ADGRA1: variants seen among roughly 807,000 people sequenced by gnomAD.
ADGRA1 encodes G-protein coupled receptor 123.
A neutral mutation model predicts 21.3 loss-of-function variants in ADGRA1; 12 were observed. The ratio of observed to expected loss-of-function variants is 0.56; its 90% CI spans 0.36 to 0.91. The LOEUF (loss-of-function observed/expected upper bound fraction) is 0.91, where lower values mean the gene tolerates loss of function less well. Among genes scored for constraint, ADGRA1 ranks in the 40% least tolerant of loss-of-function variants. The pLI is 0.01. For missense variants in ADGRA1, 790 were observed against 805.6 expected (o/e 0.98, Z 0.23); for synonymous variants, 385 against 368.8 (o/e 1.04, Z -0.50).
At chr10:133,103,145 C>A (rs1937037519) in intron 5 of ADGRA1, among the ~76,000 whole-genome samples, 2 of 152,152 alleles carry the variant, frequency 1.3e-5, no homozygotes, top group Admixed American at 1.3e-4. Flanking sequence ...CTGCCCTCCA[C>A]ATCTGCAGCT....
intron 5 of ADGRA1, among the ~76,000 whole-genome samples, chr10:133,110,712 A>G (rs976939756): frequency 3.3e-5 from 5 of 152,212 alleles, no homozygotes; most frequent in Admixed American, 3.3e-4. Flanking sequence ...TACACAAAAC[A>G]AAAGCCAGTG....
intron 2 of ADGRA1, among the ~76,000 whole-genome samples, chr10:133,091,106 C>T (rs553072703): frequency 1.3e-5 from 2 of 152,214 alleles, no homozygotes; most frequent in Non-Finnish European, 2.9e-5. Context: ...CAGCAGGCTC[C>T]GAAATGAAAT....
At chr10:133,101,402 G>C (rs1410398049) in intron 4 of ADGRA1, among the ~76,000 whole-genome samples, 1 of 152,206 alleles carries the variant, frequency 6.6e-6, no homozygotes, top group Non-Finnish European at 1.5e-5. Flanking sequence ...GCTGGCCCTG[G>C]GTCCGGCGGG....
chr10:133,088,033 C>A lies in ADGRA1; in HGVS notation c.-308C>A, dbSNP rs1161702056. ...TGTTGATAACTCGGTCCCAGCTCGG[C>A]CGCTGCCCTCGCGAATGGAGAGCGG... On this transcript the variant is annotated 5_prime_UTR_variant, in exon 1 of 7. Transcript: ENST00000392607. The A allele has an allele frequency of 4.1e-6, 4 of 985,030 alleles. No homozygotes were observed. The highest frequency in any genetic ancestry group is 3.6e-6 in the Non-Finnish European group (3 of 829,838). 61.0% of individuals were successfully genotyped at this position (985,030 alleles called of 1,614,324 possible).
chr10:133,125,333 G>T (rs1293362453), intron 5 of ADGRA1, among the ~76,000 whole-genome samples: 1 of 152,196 alleles, frequency 6.6e-6, no homozygotes, highest in African/African-American at 2.4e-5. Context: ...CACTTTAAGT[G>T]ATTGTTTTGC....
rs541350132 is a variant in ADGRA1 at position 133,108,833 on chromosome 10, G to A, written c.401+5991G>A. 3.4e-3 allele frequency among the ~76,000 whole-genome samples: 255 copies of A among 74,198 alleles called. 2 individuals carry two copies. The highest frequency in any genetic ancestry group is 0.011 in the African/African-American group (212 of 20,022). The allele number at this position is 74,198 out of a possible 152,430, so 48.7% of individuals were successfully genotyped here. On this transcript the variant is annotated intron_variant, in intron 5 of 6. Coordinates refer to ENST00000392607, the MANE Select transcript of ADGRA1 (RefSeq NM_001083909.3). ...ATCCTCCATGGTCCCAGCTCCACTC[G>A]GCCCCAGCTCCACCCCTCCCCTCAT... is the stretch of plus-strand genomic sequence containing the variant.
At chr10:133,121,431 G>C (rs973407238) in intron 5 of ADGRA1, among the ~76,000 whole-genome samples, 14 of 149,336 alleles carry the variant, frequency 9.4e-5, no homozygotes, top group African/African-American at 3.5e-4. Context: ...TGGTGTGTCA[G>C]TGTGCGTGTG....
rs1300769174 is a variant in ADGRA1 at position 133,088,929 on chromosome 10, CG to C, written c.3+22del. The stretch of plus-strand genomic sequence containing the variant: ...GCGCTCATGGTGAGTACGGGGGTCC[CG>C]GGGGTCCTGCAGCTGGGGGCTAGGC... On this transcript the variant is annotated intron_variant, in intron 2 of 6. Coordinates refer to ENST00000392607, the MANE Select transcript of ADGRA1 (RefSeq NM_001083909.3). 1.6e-6 allele frequency: 2 copies of C among 1,241,830 alleles called. No homozygotes were observed. 76.9% of individuals were successfully genotyped at this position (1,241,830 alleles called of 1,614,324 possible).
rs1036408422 is a variant in ADGRA1, at chr10:133,129,682, C to G, written c.*171C>G. 22 of 389,890 alleles carry G rather than the reference C, an allele frequency of 5.6e-5. No individual in the cohort carries two copies. The highest frequency in any genetic ancestry group is 9.6e-5 in the Non-Finnish European group (20 of 208,456). 24.2% of individuals were successfully genotyped at this position (389,890 alleles called of 1,614,324 possible). The stretch of plus-strand genomic sequence containing the variant: ...CTGCCCCTTCCTTGTGATCACACCC[C>G]TGCCCCTTCCTTGTGATCACACCCC... On this transcript the variant is annotated 3_prime_UTR_variant, in exon 7 of 7. Transcript: ENST00000392607.
intron 2 of ADGRA1, 142 bp downstream of exon 2, chr10:133,089,054 G>T: frequency 8.1e-7 from 1 of 1,232,680 alleles, no homozygotes; most frequent in Non-Finnish European, 1.0e-6. Flanking sequence ...TGCCGGGGTG[G>T]GAGGCTCTGT....
At chr10:133,121,519 G>A (rs957110217) in intron 5 of ADGRA1, among the ~76,000 whole-genome samples, 52 of 150,058 alleles carry the variant, frequency 3.5e-4, no homozygotes, top group Non-Finnish European at 1.5e-4. Flanking sequence ...AAGTGTGAGT[G>A]CCTGTGCATG....
intron 5 of ADGRA1, among the ~76,000 whole-genome samples, chr10:133,117,506 T>C (rs1852181701): frequency 1.3e-5 from 2 of 152,216 alleles, no homozygotes; most frequent in Non-Finnish European, 2.9e-5. Context: ...CCCGGGAGAC[T>C]GCCTGGGCCA....
Position 133,129,636 on chromosome 10 carries a change from CCCTTCCTTGTG to C in ADGRA1, c.*126_*136del. The C allele has an allele frequency of 6.2e-6, 3 of 487,728 alleles. No individual in the cohort carries two copies. The highest frequency in any genetic ancestry group is 9.9e-6 in the Non-Finnish European group (3 of 303,294). 30.2% of individuals were successfully genotyped at this position (487,728 alleles called of 1,614,324 possible). A position where few individuals can be genotyped will look rare whatever the true frequency, so the allele number is the denominator to read the frequency against. On this transcript the variant is annotated 3_prime_UTR_variant, in exon 7 of 7. Transcript: ENST00000392607. ...TTTCAGAAGCCGTTCACACCCCTGC[CCCTTCCTTGTG>C]ATCACACCCCTGCCCCTTCCTTGTG... is the stretch of plus-strand genomic sequence containing the variant.
chr10:133,113,018 G>T (rs1852087757), intron 5 of ADGRA1, among the ~76,000 whole-genome samples: 1 of 148,520 alleles, frequency 6.7e-6, no homozygotes, highest in Non-Finnish European at 1.5e-5. Context: ...AGTTATTTGG[G>T]GTCTGCGGGC....
chr10:133,090,142 G>A (rs897499296), intron 2 of ADGRA1, among the ~76,000 whole-genome samples: 1 of 152,252 alleles, frequency 6.6e-6, no homozygotes, highest in Non-Finnish European at 1.5e-5. Context: ...CCGCAGCCCG[G>A]GGGTCCCTCT....
At chr10:133,098,304 G>A (rs545334851) in intron 3 of ADGRA1, among the ~76,000 whole-genome samples, 18 of 152,216 alleles carry the variant, frequency 1.2e-4, no homozygotes, top group South Asian at 2.1e-4. Flanking sequence ...CAGGGGGTGC[G>A]GCCTCTATCT....
At position 133,098,727 on chromosome 10, in the gene ADGRA1, C is replaced by T. The variant is rs748409737; in HGVS notation, c.219C>T (p.Gly73=). The part of the protein sequence containing the change: ...AALTFTVFAG[G]INRTKYPILC... ...TGACCTTCACTGTGTTCGCCGGCGG[C>T]ATCAATCGCACCAAGTACCCCATCC... The change falls in exon 4 of 7, where the codon GGC becomes GGT. Residue 73 remains glycine (G), a synonymous_variant. Coordinates refer to ENST00000392607, the MANE Select transcript of ADGRA1 (RefSeq NM_001083909.3). 2 of 1,611,880 alleles carry T rather than the reference C, an allele frequency of 1.2e-6. No individual in the cohort carries two copies. Among genetic ancestry groups the T allele is most frequent in the Non-Finnish European group, 1.7e-6 (2 of 1,179,962 alleles).
chr10:133,105,238 A>C (rs1851871686), intron 5 of ADGRA1, among the ~76,000 whole-genome samples: 1 of 152,152 alleles, frequency 6.6e-6, no homozygotes, highest in Non-Finnish European at 1.5e-5. Context: ...AAGAATGCCC[A>C]CACCACTTCC....
chr10:133,106,306 G>A (rs551936355), intron 5 of ADGRA1, among the ~76,000 whole-genome samples: 20 of 152,316 alleles, frequency 1.3e-4, no homozygotes, highest in African/African-American at 2.4e-4. Context: ...TTCACACAGC[G>A]TTTTCTCCAA....
Sources: gnomAD v4.1 joint callset for allele counts (sites outside exome capture counted in the v4.1 genomes callset) on GRCh38, gnomAD v4.1.1 for gene constraint, MANE v1.5 for transcripts, NCBI Gene and HGNC (gene_info 2026-07-23, HGNC 2026-07-21) for gene names.